ZDHHC3: variants seen among roughly 807,000 people sequenced by gnomAD.
ZDHHC3 encodes the protein zDHHC palmitoyltransferase 3, also known as palmitoyltransferase ZDHHC3.
Under a neutral mutation model 30.6 loss-of-function variants are expected in ZDHHC3, and 9 were observed. That is an observed-to-expected ratio of 0.29 (90% CI 0.18 to 0.51). The LOEUF is 0.51. Among genes scored for constraint, ZDHHC3 ranks in the 20% least tolerant of loss-of-function variants. The pLI, the probability that ZDHHC3 is intolerant of heterozygous loss-of-function variation, is 0.97. For missense variants in ZDHHC3, 246 were observed against 384.2 expected, an observed-to-expected ratio of 0.64 and a Z score of 3.01; for synonymous variants, 136 against 140.2, an observed-to-expected ratio of 0.97 and a Z score of 0.21.
intron 1 of ZDHHC3, among the ~76,000 whole-genome samples, chr3:44,964,588 TTC>T (rs1214890213): frequency 6.6e-6 from 1 of 152,156 alleles, no homozygotes; most frequent in Non-Finnish European, 1.5e-5. Context: ...GCCATAAAGT[TTC>T]TGAGGAAAGT....
At chr3:44,974,261 A>AG (rs144583807) in intron 1 of ZDHHC3, among the ~76,000 whole-genome samples, 13 of 152,270 alleles carry the variant, frequency 8.5e-5, no homozygotes, top group South Asian at 2.1e-4. Context: ...GTCAATTGTG[A>AG]GGGGGGGACA....
At chr3:44,933,248 C>T (rs1368084043) in intron 4 of ZDHHC3, 49 bp from the exon 5 acceptor site, 2 of 1,572,270 alleles carry the variant, frequency 1.3e-6, no homozygotes, top group East Asian at 2.2e-5. Flanking sequence ...AATCCTCTGA[C>T]CTCACGGGCT....
chr3:44,952,833 C>T (rs889281412), intron 2 of ZDHHC3, among the ~76,000 whole-genome samples: 2 of 152,210 alleles, frequency 1.3e-5, no homozygotes, highest in African/African-American at 4.8e-5. Context: ...AGGCAGAACC[C>T]ATTACTTAGC....
chr3:44,941,618 A>G (rs1307103703), intron 3 of ZDHHC3, among the ~76,000 whole-genome samples: 1 of 151,948 alleles, frequency 6.6e-6, no homozygotes. Flanking sequence ...GGGGCTGCCA[A>G]AGTCAGAGGT....
At chr3:44,932,087 T>C (rs1701543351) in intron 5 of ZDHHC3, among the ~76,000 whole-genome samples, 1 of 152,148 alleles carries the variant, frequency 6.6e-6, no homozygotes. Context: ...GATGATAAAA[T>C]ATCCTAATTG....
intron 3 of ZDHHC3, among the ~76,000 whole-genome samples, chr3:44,943,463 G>C (rs1373968286): frequency 6.6e-6 from 1 of 152,142 alleles, no homozygotes; most frequent in Non-Finnish European, 1.5e-5. Flanking sequence ...ACAGGTACTG[G>C]GGAGCTGACT....
intron 5 of ZDHHC3, among the ~76,000 whole-genome samples, chr3:44,932,734 G>A (rs1177518584): frequency 6.6e-6 from 1 of 152,166 alleles, no homozygotes; most frequent in Non-Finnish European, 1.5e-5. Context: ...ATCTCTGCAA[G>A]ACTGGAATAA....
At chr3:44,960,979 A>G (rs1704425006) in intron 1 of ZDHHC3, among the ~76,000 whole-genome samples, 3 of 152,262 alleles carry the variant, frequency 2.0e-5, no homozygotes, top group Admixed American at 2.0e-4. Flanking sequence ...GTGGCAGAGA[A>G]CTAATGGCTG....
chr3:44,975,975 G>T lies in ZDHHC3; in HGVS notation c.-67C>A, dbSNP rs992016342. 1.3e-5 allele frequency: 4 copies of T among 315,046 alleles called. No homozygotes were observed. The South Asian group carries it at 3.7e-4, about 29-fold the overall frequency. 19.5% of individuals were successfully genotyped at this position (315,046 alleles called of 1,614,324 possible). A position where few individuals can be genotyped will look rare whatever the true frequency, so the allele number is the denominator to read the frequency against. On this transcript the variant is annotated 5_prime_UTR_variant, in exon 1 of 7. Transcript: ENST00000424952. ...TTCCCCAGTCCCAGACCCCGGTGGGGCTCCCGCCGCCGCCGCCGCTGCCTT... is the reference window on the plus strand; with the variant it reads ...TTCCCCAGTCCCAGACCCCGGTGGGTCTCCCGCCGCCGCCGCCGCTGCCTT...
intron 2 of ZDHHC3, chr3:44,958,520 G>C (rs575066197): frequency 2.9e-6 from 4 of 1,358,698 alleles, no homozygotes; most frequent in Non-Finnish European, 4.1e-6. Flanking sequence ...CAATAGCCAC[G>C]TGCGCAGCTT....
Position 44,920,094 on chromosome 3 carries a change from C to T in ZDHHC3, c.*6595G>A. The T allele has an allele frequency of 1.7e-6, 2 of 1,204,522 alleles. No homozygotes were observed. Among genetic ancestry groups the T allele is most frequent in the South Asian group, 1.5e-5 (1 of 68,056 alleles). 74.6% of individuals were successfully genotyped at this position (1,204,522 alleles called of 1,614,324 possible). The stretch of plus-strand genomic sequence containing the variant: ...TATTTATTTCTGTAGACTTCTCACA[C>T]AATCCAAGTTTTACCAATGAGCCAA... On this transcript the variant is annotated 3_prime_UTR_variant, in exon 7 of 7. Coordinates refer to ENST00000424952, the MANE Select transcript of ZDHHC3 (RefSeq NM_001135179.2).
intron 3 of ZDHHC3, among the ~76,000 whole-genome samples, chr3:44,936,883 C>T (rs113959485): frequency 1.3e-5 from 2 of 150,432 alleles, no homozygotes; most frequent in South Asian, 4.2e-4. Flanking sequence ...AAACCCCCCC[C>T]CAAAACCTGC....
intron 1 of ZDHHC3, among the ~76,000 whole-genome samples, chr3:44,966,348 G>A (rs1193536213): frequency 6.6e-6 from 1 of 152,120 alleles, no homozygotes; most frequent in Non-Finnish European, 1.5e-5. Flanking sequence ...GGGCTGGTCT[G>A]GTATCCTCTT....
Position 44,929,585 on chromosome 3 carries a change from G to A in ZDHHC3, c.611-149C>T, listed in dbSNP as rs2125814835. On this transcript the variant is annotated intron_variant, in intron 5 of 6. Transcript: ENST00000424952. Reference sequence around the variant, plus strand: ...AGGTCTCTGGCCTCCAGGCTACGGTGAGAATCATCCTGGCCCACACTGGCT... The same window carrying A: ...AGGTCTCTGGCCTCCAGGCTACGGTAAGAATCATCCTGGCCCACACTGGCT... 9 of 1,106,042 alleles carry A rather than the reference G, an allele frequency of 8.1e-6. No individual in the cohort carries two copies. The South Asian group carries it at 1.1e-4, about 14-fold the overall frequency. The allele number at this position is 1,106,042 out of a possible 1,614,324, so 68.5% of individuals were successfully genotyped here.
At position 44,959,263 on chromosome 3, in the gene ZDHHC3, C is replaced by T. The variant is rs1361663028; in HGVS notation, c.174G>A (p.Ala58=). ...GCATGACAAAGAGGACCACGAACTC[C>T]GCATAGAGGACCAGAAACCAGGTAA... The part of the protein sequence containing the change: ...AIVTWFLVLY[A]EFVVLFVMLI... The change falls in exon 2 of 7, where the codon GCG becomes GCA. Residue 58 remains alanine, a synonymous_variant. Transcript: ENST00000424952. The surrounding 1 kb of genome is among the most constrained non-coding windows in gnomAD (Gnocchi z 4.3). The T allele has an allele frequency of 1.5e-5, 24 of 1,614,112 alleles. No individual in the cohort carries two copies. The highest frequency in any genetic ancestry group is 2.7e-5 in the African/African-American group (2 of 74,926).
chr3:44,937,410 A>G (rs1702058259), intron 3 of ZDHHC3, among the ~76,000 whole-genome samples: 2 of 151,696 alleles, frequency 1.3e-5, no homozygotes, highest in Admixed American at 1.3e-4. Flanking sequence ...GATTGTGCCA[A>G]AGTTCCTTAG....
intron 1 of ZDHHC3, among the ~76,000 whole-genome samples, 161 bp downstream of exon 1, chr3:44,975,772 T>TCACACACACACACACACACACA (rs1185484134): frequency 1.7e-5 from 2 of 116,704 alleles, no homozygotes; most frequent in Admixed American, 8.3e-5. Context: ...TCTCTCTCTC[T>TCACACACACACACACACACACA]CACACACACA....
At chr3:44,940,438 T>C (rs1283583794) in intron 3 of ZDHHC3, among the ~76,000 whole-genome samples, 1 of 152,182 alleles carries the variant, frequency 6.6e-6, no homozygotes, top group Non-Finnish European at 1.5e-5. Context: ...AAATCCACCC[T>C]ATCCTCTAAG....
Position 44,944,479 on chromosome 3 carries a change from C to T in ZDHHC3, c.431+689G>A, listed in dbSNP as rs1412219826. ...AAATTTTTTTGTAGAGATAGAGTCT[C>T]GCTTTGTTGCCCAGGCTGGTCTTGA... On this transcript the variant is annotated intron_variant, in intron 3 of 6. Transcript: ENST00000424952. Among the ~76,000 whole-genome samples the T allele has an allele frequency of 2.6e-5, 4 of 151,984 alleles. No homozygotes were observed. In the East Asian group the frequency reaches 5.8e-4, roughly 22 times the overall value.
Sources: gnomAD v4.1 joint callset for allele counts (sites outside exome capture counted in the v4.1 genomes callset) on GRCh38, gnomAD v4.1.1 for gene constraint, Gnocchi (gnomAD v3.1) non-coding constraint, MANE v1.5 for transcripts, NCBI Gene and HGNC (gene_info 2026-07-23, HGNC 2026-07-21) for gene names.